The following ENOX1 variants were observed in gnomAD, a reference collection of about 807,000 sequenced individuals.
ENOX1 encodes the protein ecto-NOX disulfide-thiol exchanger 1.
Under a neutral mutation model 82.5 loss-of-function variants are expected in ENOX1, and 42 were observed. That is an observed-to-expected ratio of 0.51 (90% confidence interval 0.40 to 0.66). The LOEUF (loss-of-function observed/expected upper bound fraction) is 0.66, where lower values mean the gene tolerates loss of function less well. ENOX1 is among the 30% of genes least tolerant of loss of function. The probability of loss-of-function intolerance (pLI) is 0.00; values close to 1 mark genes in which losing one functional copy is unlikely to be tolerated. For missense variants in ENOX1, 608 were observed against 811.6 expected (o/e 0.75, Z 3.05); for synonymous variants, 271 against 282.2 (o/e 0.96, Z 0.40).
chr13:43,729,912 T>G (rs2089231225), intron 1 of ENOX1, among the ~76,000 whole-genome samples: 1 of 152,228 alleles, frequency 6.6e-6, no homozygotes, highest in South Asian at 2.1e-4. Flanking sequence ...GCACTGGATC[T>G]CTTCTTGAGT....
At chr13:43,343,099 G>C (rs140987556) in intron 9 of ENOX1, among the ~76,000 whole-genome samples, 4 of 152,116 alleles carry the variant, frequency 2.6e-5, no homozygotes, top group African/African-American at 9.7e-5. Flanking sequence ...AAAACATACA[G>C]TAATCATTTC....
At chr13:43,627,749 G>T (rs564680875) in intron 2 of ENOX1, among the ~76,000 whole-genome samples, 5 of 151,354 alleles carry the variant, frequency 3.3e-5, no homozygotes, top group African/African-American at 1.2e-4. Flanking sequence ...TTCTTTTATT[G>T]TTTCTTTTCT....
chr13:43,396,537 G>T (rs993753922), intron 5 of ENOX1, among the ~76,000 whole-genome samples: 5 of 152,052 alleles, frequency 3.3e-5, no homozygotes, highest in African/African-American at 1.2e-4. Context: ...GCACCACCAT[G>T]CCTGGCTAAT....
intron 14 of ENOX1, among the ~76,000 whole-genome samples, chr13:43,248,009 C>T (rs1284333661): frequency 1.4e-5 from 2 of 144,554 alleles, no homozygotes; most frequent in East Asian, 4.1e-4. Flanking sequence ...CCTCAGCCTC[C>T]CAAGTACCTG....
chr13:43,463,754 C>T (rs906800243), intron 3 of ENOX1, among the ~76,000 whole-genome samples: 1 of 152,158 alleles, frequency 6.6e-6, no homozygotes, highest in African/African-American at 2.4e-5. Flanking sequence ...TTCTTTTAAA[C>T]TGGCAAACTG....
At chr13:43,363,640 C>G (rs1174896196) in intron 5 of ENOX1, among the ~76,000 whole-genome samples, 2 of 152,130 alleles carry the variant, frequency 1.3e-5, no homozygotes, top group African/African-American at 2.4e-5. Context: ...CTGGCCTGGC[C>G]CTCGCTATTA....
chr13:43,328,408 C>A (rs2048236528), intron 9 of ENOX1, among the ~76,000 whole-genome samples: 1 of 152,130 alleles, frequency 6.6e-6, no homozygotes, highest in South Asian at 2.1e-4. Context: ...AATAACATAG[C>A]TCTTTGGCAT....
intron 3 of ENOX1, among the ~76,000 whole-genome samples, chr13:43,452,238 A>G (rs1273587505): frequency 6.6e-6 from 1 of 152,032 alleles, no homozygotes; most frequent in Non-Finnish European, 1.5e-5. Flanking sequence ...CATCATCTAC[A>G]TTAGGTATTT....
intron 11 of ENOX1, among the ~76,000 whole-genome samples, chr13:43,317,954 A>G (rs1018639380): frequency 4.5e-4 from 69 of 152,098 alleles, no homozygotes; most frequent in Admixed American, 4.4e-3. Context: ...GCAGTGAGCC[A>G]AGATCATGCC....
intron 2 of ENOX1, among the ~76,000 whole-genome samples, chr13:43,620,495 T>C (rs909213860): frequency 3.3e-5 from 5 of 152,192 alleles, no homozygotes; most frequent in African/African-American, 1.2e-4. Context: ...CTTGATTTTG[T>C]TTCTGACCCA....
chr13:43,409,929 G>T (rs965959587), intron 5 of ENOX1, among the ~76,000 whole-genome samples: 2 of 152,182 alleles, frequency 1.3e-5, no homozygotes, highest in Admixed American at 6.5e-5. Context: ...AAATTATCAG[G>T]CCGTGTAAAT....
Position 43,335,106 on chromosome 13 carries a change from C to T in ENOX1, c.1037-8581G>A, listed in dbSNP as rs559194602. On this transcript the variant is annotated intron_variant, in intron 9 of 16. Transcript: ENST00000690772. ...TGGGAGCCTTTAGAACAGGGCTTAG[C>T]AAACTTTATAAGGAAAGGAACAGAT... is the stretch of plus-strand genomic sequence containing the variant. 3.3e-5 allele frequency among the ~76,000 whole-genome samples: 5 copies of T among 152,262 alleles called. No homozygotes were observed. The East Asian group carries it at 9.7e-4, about 29-fold the overall frequency.
chr13:43,234,344 A>T (rs1356475808), intron 15 of ENOX1, among the ~76,000 whole-genome samples: 1 of 152,220 alleles, frequency 6.6e-6, no homozygotes, highest in Non-Finnish European at 1.5e-5. Context: ...TCTGTTGCCA[A>T]ACTGTCATTA....
chr13:43,287,382 C>T (rs1467142146), intron 12 of ENOX1, among the ~76,000 whole-genome samples: 3 of 152,310 alleles, frequency 2.0e-5, no homozygotes, highest in African/African-American at 7.2e-5. Context: ...ACAGTTCACA[C>T]TTGTGAGTAG....
intron 1 of ENOX1, among the ~76,000 whole-genome samples, chr13:43,765,029 C>T (rs1285699217): frequency 2.0e-5 from 3 of 152,202 alleles, no homozygotes. Flanking sequence ...CCTTAGCCCC[C>T]ACTCACGTCA....
At chr13:43,394,010 A>C (rs2052974740) in intron 5 of ENOX1, among the ~76,000 whole-genome samples, 2 of 152,174 alleles carry the variant, frequency 1.3e-5, no homozygotes, top group South Asian at 4.1e-4. Flanking sequence ...CTATGTGGGC[A>C]TACCTACTGC....
intron 2 of ENOX1, among the ~76,000 whole-genome samples, chr13:43,591,597 G>C (rs1430571819): frequency 6.6e-6 from 1 of 152,120 alleles, no homozygotes; most frequent in Non-Finnish European, 1.5e-5. Context: ...ACACACAGGT[G>C]TTTTGTCTTT....
chr13:43,645,227 C>T (rs748171416), intron 2 of ENOX1, among the ~76,000 whole-genome samples: 5 of 152,170 alleles, frequency 3.3e-5, no homozygotes, highest in Non-Finnish European at 7.4e-5. Flanking sequence ...GCATAATCAT[C>T]GCTCATGGCA....
intron 2 of ENOX1, among the ~76,000 whole-genome samples, chr13:43,591,339 C>A (rs967640581): frequency 6.6e-6 from 1 of 152,178 alleles, no homozygotes; most frequent in Non-Finnish European, 1.5e-5. Flanking sequence ...CAAATTAATA[C>A]AGATAAATCT....
Sources: allele counts gnomAD v4.1 joint callset (sites outside exome capture counted in the v4.1 genomes callset), GRCh38; gene constraint gnomAD v4.1.1; transcripts MANE v1.5; gene names NCBI Gene and HGNC (gene_info 2026-07-23, HGNC 2026-07-21).